The following SOX5 variants were observed in gnomAD, a reference collection of about 807,000 sequenced individuals.
SOX5 encodes transcription factor SOX-5.
SOX5 carries 9 observed loss-of-function variants against 92.0 expected under a neutral mutation model. The ratio of observed to expected loss-of-function variants is 0.10; its 90% CI spans 0.06 to 0.17. SOX5 has a LOEUF of 0.17. Ranked by LOEUF, SOX5 falls within the 10% of genes least tolerant of loss-of-function variation. The pLI, the probability that SOX5 is intolerant of heterozygous loss-of-function variation, is 1.00. For missense variants in SOX5, 642 were observed against 944.5 expected (o/e 0.68, Z 4.20); for synonymous variants, 344 against 336.3 (o/e 1.02, Z -0.25).
intron 4 of SOX5, among the ~76,000 whole-genome samples, chr12:24,075,725 A>G (rs1446286874): frequency 2.0e-5 from 3 of 152,214 alleles, no homozygotes; most frequent in African/African-American, 4.8e-5. Flanking sequence ...TCTAACTGAG[A>G]GTAATCACTG....
chr12:23,845,895 T>C, intron 3 of SOX5, 88 bp downstream of exon 3: 1 of 1,111,566 alleles, frequency 9.0e-7, no homozygotes. Flanking sequence ...ACTTTAAGAG[T>C]ATAAATCAAA....
chr12:24,137,502 C>A (rs1238949480), intron 4 of SOX5, among the ~76,000 whole-genome samples: 1 of 152,012 alleles, frequency 6.6e-6, no homozygotes, highest in Non-Finnish European at 1.5e-5. Context: ...CATGGTGGCG[C>A]GCACCTGTAA....
At chr12:23,945,405 T>C (rs1399365631) in intron 1 of SOX5, among the ~76,000 whole-genome samples, 1 of 152,134 alleles carries the variant, frequency 6.6e-6, no homozygotes, top group Non-Finnish European at 1.5e-5. Context: ...TCAAACCTGC[T>C]AAAAACTGAG....
chr12:24,094,989 C>G (rs1410374224), intron 4 of SOX5, among the ~76,000 whole-genome samples: 1 of 151,986 alleles, frequency 6.6e-6, no homozygotes, highest in Non-Finnish European at 1.5e-5. Context: ...AAATCATGTA[C>G]AAGTACATCT....
intron 2 of SOX5, among the ~76,000 whole-genome samples, chr12:23,860,853 G>A (rs535510494): frequency 6.6e-6 from 1 of 150,582 alleles, no homozygotes; most frequent in African/African-American, 2.4e-5. Context: ...AGTTATAAGA[G>A]AGTAACACCT....
intron 2 of SOX5, among the ~76,000 whole-genome samples, chr12:24,285,449 C>T (rs1945750756): frequency 1.3e-5 from 2 of 152,190 alleles, no homozygotes; most frequent in South Asian, 4.2e-4. Flanking sequence ...TTATTCTATA[C>T]CTTTTGTTGA....
intron 4 of SOX5, among the ~76,000 whole-genome samples, chr12:23,986,149 T>C (rs1046650430): frequency 1.3e-5 from 2 of 152,192 alleles, no homozygotes; most frequent in East Asian, 1.9e-4. Context: ...GGGATTACAA[T>C]GTGTATATCT....
At chr12:24,131,716 T>C (rs974238809) in intron 4 of SOX5, among the ~76,000 whole-genome samples, 4 of 152,176 alleles carry the variant, frequency 2.6e-5, no homozygotes, top group Non-Finnish European at 1.5e-5. Flanking sequence ...TTATGAACTA[T>C]GTGAATAATG....
intron 1 of SOX5, among the ~76,000 whole-genome samples, chr12:24,415,125 T>C (rs2136849334): frequency 6.6e-6 from 1 of 152,350 alleles, no homozygotes; most frequent in East Asian, 1.9e-4. Flanking sequence ...AAAGGCTTTG[T>C]GGTTTTTAAT....
intron 3 of SOX5, among the ~76,000 whole-genome samples, chr12:24,264,932 C>A (rs1942791044): frequency 6.6e-6 from 1 of 152,064 alleles, no homozygotes; most frequent in African/African-American, 2.4e-5. Context: ...GACAGGGAGA[C>A]CCAGTTGAAT....
intron 1 of SOX5, among the ~76,000 whole-genome samples, chr12:24,490,414 T>G (rs1018162171): frequency 6.6e-6 from 1 of 152,224 alleles, no homozygotes; most frequent in Non-Finnish European, 1.5e-5. Flanking sequence ...CATATCATTT[T>G]CCTTCTATTT....
chr12:24,347,430 A>G (rs1001002813), intron 2 of SOX5, among the ~76,000 whole-genome samples: 13 of 152,280 alleles, frequency 8.5e-5, no homozygotes, highest in African/African-American at 2.9e-4. Context: ...TAATATGTGC[A>G]TTACCTCACA....
intron 4 of SOX5, among the ~76,000 whole-genome samples, chr12:24,141,782 T>G (rs1399302799): frequency 6.6e-6 from 1 of 152,182 alleles, no homozygotes; most frequent in Non-Finnish European, 1.5e-5. Context: ...TAATGGCAAT[T>G]TAGGTTAAGT....
At chr12:24,179,073 G>T (rs1271819519) in intron 4 of SOX5, among the ~76,000 whole-genome samples, 3 of 152,168 alleles carry the variant, frequency 2.0e-5, no homozygotes, top group African/African-American at 7.2e-5. Flanking sequence ...CAGCGGGCTT[G>T]TTACCTCTAA....
intron 4 of SOX5, among the ~76,000 whole-genome samples, chr12:24,053,838 G>T (rs1286711844): frequency 6.6e-6 from 1 of 152,078 alleles, no homozygotes; most frequent in Non-Finnish European, 1.5e-5. Context: ...GGTACTTTAT[G>T]TATCTTATCT....
At chr12:23,921,945 C>G (rs1938399699) in intron 1 of SOX5, among the ~76,000 whole-genome samples, 1 of 152,176 alleles carries the variant, frequency 6.6e-6, no homozygotes, top group Non-Finnish European at 1.5e-5. Flanking sequence ...CTCCCTCATT[C>G]TACCCAAAAC....
chr12:23,546,180 T>C (rs1943099513), intron 12 of SOX5, 136 bp downstream of exon 12: 2 of 580,712 alleles, frequency 3.4e-6, no homozygotes, highest in Non-Finnish European at 6.1e-6. Flanking sequence ...ACATGGGGAC[T>C]GCTCAGTATA....
At chr12:24,329,395 T>A (rs1000420029) in intron 2 of SOX5, among the ~76,000 whole-genome samples, 1 of 152,070 alleles carries the variant, frequency 6.6e-6, no homozygotes, top group Admixed American at 6.6e-5. Context: ...AACTGCCTTA[T>A]AAAATCATTA....
At chr12:23,736,576 T>C (rs1309927443) in intron 5 of SOX5, among the ~76,000 whole-genome samples, 1 of 152,076 alleles carries the variant, frequency 6.6e-6, no homozygotes. Flanking sequence ...TGGATGTACC[T>C]GGCTGCGCAA....
Sources: gnomAD v4.1 joint callset for allele counts (sites outside exome capture counted in the v4.1 genomes callset) on GRCh38, gnomAD v4.1.1 for gene constraint, MANE v1.5 for transcripts, NCBI Gene and HGNC (gene_info 2026-07-23, HGNC 2026-07-21) for gene names.